The following ZPBP variants were observed in gnomAD, a reference collection of about 807,000 sequenced individuals.
ZPBP encodes zona pellucida binding protein.
In ZPBP, 26 loss-of-function variants were observed where a neutral mutation model predicts 44.8. The ratio of observed to expected loss-of-function variants is 0.58; its 90% CI spans 0.43 to 0.81. The LOEUF is 0.81. Ranked by LOEUF, ZPBP falls within the 30% of genes least tolerant of loss-of-function variation. The pLI is 0.00. For synonymous variants in ZPBP, 174 were observed against 153.2 expected (o/e 1.14, Z -1.00); for missense variants, 409 against 434.0 (o/e 0.94, Z 0.51).
intron 1 of ZPBP, among the ~76,000 whole-genome samples, chr7:49,902,767 G>A (rs1443313135): frequency 1.3e-5 from 2 of 152,004 alleles, no homozygotes; most frequent in Non-Finnish European, 2.9e-5. Flanking sequence ...TGATCGCATT[G>A]AAATATAAAA....
intron 7 of ZPBP, among the ~76,000 whole-genome samples, chr7:49,964,739 C>T (rs1475486825): frequency 1.5e-4 from 23 of 152,042 alleles, no homozygotes; most frequent in Admixed American, 1.5e-3. Flanking sequence ...CCAAAGATGG[C>T]AAATACTATA....
At chr7:49,910,089 G>A (rs1793326474) in intron 1 of ZPBP, among the ~76,000 whole-genome samples, 1 of 152,016 alleles carries the variant, frequency 6.6e-6, no homozygotes, top group African/African-American at 2.4e-5. Context: ...TCCAGCCTGG[G>A]TGACAGAGCA....
At chr7:49,999,599 G>T (rs1798005777) in intron 6 of ZPBP, among the ~76,000 whole-genome samples, 1 of 152,170 alleles carries the variant, frequency 6.6e-6, no homozygotes, top group East Asian at 1.9e-4. Flanking sequence ...ACCAAAAGAT[G>T]ATGGTCTAAG....
chr7:49,963,516 G>T (rs918006645), intron 7 of ZPBP, among the ~76,000 whole-genome samples: 1 of 151,766 alleles, frequency 6.6e-6, no homozygotes, highest in African/African-American at 2.4e-5. Flanking sequence ...ATAAATAGTG[G>T]TATATTTAAT....
chr7:49,862,057 A>C (rs1790671348), intron 2 of ZPBP, among the ~76,000 whole-genome samples: 1 of 152,170 alleles, frequency 6.6e-6, no homozygotes, highest in Admixed American at 6.5e-5. Context: ...GACTCTGTAG[A>C]TTTCTTTGGG....
intron 6 of ZPBP, among the ~76,000 whole-genome samples, chr7:50,005,980 A>G (rs1159141657): frequency 5.3e-5 from 8 of 151,806 alleles, no homozygotes; most frequent in Non-Finnish European, 1.0e-4. Context: ...TATTCCTTGG[A>G]AAATAGTATT....
intron 3 of ZPBP, among the ~76,000 whole-genome samples, chr7:50,079,215 T>C (rs1445468599): frequency 1.3e-5 from 2 of 151,682 alleles, no homozygotes; most frequent in Admixed American, 6.6e-5. Context: ...ATTGAGATTA[T>C]ATCTATGAAC....
intron 1 of ZPBP, among the ~76,000 whole-genome samples, chr7:49,902,658 C>G (rs1420415778): frequency 6.6e-6 from 1 of 151,490 alleles, no homozygotes; most frequent in East Asian, 1.9e-4. Context: ...GTATAACATT[C>G]TTATGAAATA....
At chr7:49,940,067 T>C (rs1794804651) in intron 7 of ZPBP, among the ~76,000 whole-genome samples, 1 of 152,178 alleles carries the variant, frequency 6.6e-6, no homozygotes, top group African/African-American at 2.4e-5. Flanking sequence ...CCGAACAAGT[T>C]TGAATCCCTC....
At chr7:49,955,894 T>C (rs534987398) in intron 7 of ZPBP, among the ~76,000 whole-genome samples, 3 of 152,176 alleles carry the variant, frequency 2.0e-5, no homozygotes, top group Non-Finnish European at 4.4e-5. Flanking sequence ...AGACAAACTC[T>C]TGAGGATATA....
At chr7:49,913,539 G>C (rs1347319671) in intron 1 of ZPBP, 1 of 152,136 alleles carries the variant, frequency 6.6e-6, no homozygotes, top group East Asian at 1.9e-4. Context: ...AGCCTCTAAA[G>C]GTATTTTTCA....
At chr7:49,851,295 A>G (rs771218653) in intron 2 of ZPBP, among the ~76,000 whole-genome samples, 1 of 152,008 alleles carries the variant, frequency 6.6e-6, no homozygotes, top group Non-Finnish European at 1.5e-5. Flanking sequence ...GACCCTTCTT[A>G]ATTACATTTG....
intron 2 of ZPBP, among the ~76,000 whole-genome samples, chr7:49,856,945 G>A (rs1202802177): frequency 7.0e-6 from 1 of 142,962 alleles, no homozygotes; most frequent in Non-Finnish European, 1.5e-5. Context: ...GGGAGGTGGA[G>A]CTTTCAGTGA....
chr7:50,017,324 C>T lies in ZPBP; in HGVS notation c.783+916G>A, dbSNP rs548883978. Among the ~76,000 whole-genome samples the T allele has an allele frequency of 1.8e-4, 28 of 152,230 alleles. No homozygotes were observed. The East Asian group carries it at 5.0e-3, about 27-fold the overall frequency. On this transcript the variant is annotated intron_variant, in intron 6 of 7. Transcript: ENST00000046087. The stretch of plus-strand genomic sequence containing the variant: ...TTTGCACTCCCATAAGAATCTAATG[C>T]TGCGCTTGATCTGATCTGACAGGAG...
At chr7:49,874,828 T>C (rs1180638027) in intron 2 of ZPBP, among the ~76,000 whole-genome samples, 1 of 151,194 alleles carries the variant, frequency 6.6e-6, no homozygotes, top group Non-Finnish European at 1.5e-5. Context: ...CAGTAAAGAT[T>C]CCTGCCCCTC....
intron 2 of ZPBP, among the ~76,000 whole-genome samples, chr7:49,881,663 G>A (rs1791667870): frequency 1.3e-5 from 2 of 152,126 alleles, no homozygotes; most frequent in South Asian, 2.1e-4. Flanking sequence ...TATTATTTCA[G>A]AATATATTAG....
chr7:50,060,231 A>G (rs771104287), intron 3 of ZPBP, among the ~76,000 whole-genome samples: 2 of 152,122 alleles, frequency 1.3e-5, no homozygotes, highest in Non-Finnish European at 2.9e-5. Flanking sequence ...ACTCCACTGC[A>G]TGGAACCCAG....
intron 2 of ZPBP, among the ~76,000 whole-genome samples, chr7:49,898,101 T>C (rs1449765101): frequency 5.9e-5 from 9 of 152,076 alleles, no homozygotes; most frequent in Non-Finnish European, 1.0e-4. Flanking sequence ...CCATTATGTA[T>C]GCTTTACATA....
chr7:50,092,856 T>G, intron 1 of ZPBP: 1 of 675,236 alleles, frequency 1.5e-6, no homozygotes, highest in Non-Finnish European at 2.3e-6. Flanking sequence ...TAGTGATCCA[T>G]CTATACCTTA....
Sources: allele counts gnomAD v4.1 joint callset (sites outside exome capture counted in the v4.1 genomes callset), GRCh38; gene constraint gnomAD v4.1.1; transcripts MANE v1.5; gene names NCBI Gene and HGNC (gene_info 2026-07-23, HGNC 2026-07-21).